The following SLIT2 variants were observed in gnomAD, a reference collection of about 807,000 sequenced individuals.
SLIT2 encodes slit homolog 2 protein.
Under a neutral mutation model 185.7 loss-of-function variants are expected in SLIT2, and 41 were observed. The ratio of observed to expected loss-of-function variants is 0.22; its 90% CI spans 0.17 to 0.29. The LOEUF (loss-of-function observed/expected upper bound fraction) is 0.29. Ranked by LOEUF, SLIT2 falls within the 10% of genes least tolerant of loss-of-function variation. The pLI is 1.00. For missense variants in SLIT2, 1,571 were observed against 1,909.0 expected (o/e 0.82, Z 3.30); for synonymous variants, 693 against 680.2 (o/e 1.02, Z -0.29).
intron 4 of SLIT2, among the ~76,000 whole-genome samples, chr4:20,418,490 G>A (rs1439250916): frequency 2.6e-5 from 4 of 152,142 alleles, no homozygotes; most frequent in East Asian, 1.9e-4. Flanking sequence ...GTTATACTGA[G>A]GGCGGCCAAT....
intron 4 of SLIT2, among the ~76,000 whole-genome samples, chr4:20,347,092 C>A (rs1369105635): frequency 6.6e-6 from 1 of 152,142 alleles, no homozygotes; most frequent in East Asian, 1.9e-4. Flanking sequence ...TACCAATTAT[C>A]CTTTGGAAAA....
chr4:20,483,114 T>TA (rs990255981), intron 6 of SLIT2, among the ~76,000 whole-genome samples: 18 of 152,080 alleles, frequency 1.2e-4, no homozygotes, highest in Admixed American at 6.6e-5. Flanking sequence ...AACATTAACT[T>TA]ACACATTGCC....
At chr4:20,527,256 C>A (rs1320587745) in intron 15 of SLIT2, among the ~76,000 whole-genome samples, 2 of 151,714 alleles carry the variant, frequency 1.3e-5, no homozygotes, top group African/African-American at 4.8e-5. Flanking sequence ...CTACATATTA[C>A]AGTGATAAAA....
At position 20,288,031 on chromosome 4, in the gene SLIT2, C is replaced by T. The variant is rs535171150; in HGVS notation, c.395+19150C>T. On this transcript the variant is annotated intron_variant, in intron 4 of 36. Transcript: ENST00000504154. ...AGTAACATGGTATCTGATTTTTAAA[C>T]AGCCTATATAGTTGCACATAACAGA... Among the ~76,000 whole-genome samples the T allele has an allele frequency of 1.4e-4, 21 of 152,108 alleles. No homozygotes were observed. The South Asian group carries it at 4.4e-3, about 32-fold the overall frequency.
rs79141450 is a variant in SLIT2, at chr4:20,478,280, T to G, written c.468-2436T>G. ...TTCAGGAAATATGTGGACTCAGATA[T>G]AACAGTATTCAGAGAACTTTTAAGG... On this transcript the variant is annotated intron_variant, in intron 5 of 36. Coordinates refer to ENST00000504154, the MANE Select transcript of SLIT2 (RefSeq NM_004787.4). Among the ~76,000 whole-genome samples, 104 of 152,306 alleles carry G rather than the reference T, an allele frequency of 6.8e-4. 1 individual carries two copies. In the East Asian group the frequency reaches 0.017, roughly 25 times the overall value.
intron 24 of SLIT2, among the ~76,000 whole-genome samples, chr4:20,550,265 T>A (rs1334345542): frequency 6.6e-6 from 1 of 152,130 alleles, no homozygotes; most frequent in African/African-American, 2.4e-5. Flanking sequence ...CTTTTTATTC[T>A]AATGAGCTTG....
rs749587757 is a variant in SLIT2, at chr4:20,617,591, G to A, written c.4289G>A (p.Gly1430Asp). ...AAGCATGGGAAGTGCAGGCTTTCAG[G>A]TCTGGGGCAGCCCTACTGTGAATGC... ...KCKHGKCRLS[G>D]LGQPYCECSS... The change falls in exon 36 of 37, where the codon GGT (glycine) becomes GAT (aspartate). Residue 1430 changes from glycine to aspartate, a missense_variant. Gly to Asp is a moderately conservative substitution (Grantham distance 94). Coordinates refer to ENST00000504154, the MANE Select transcript of SLIT2 (RefSeq NM_004787.4). The A allele has an allele frequency of 4.0e-5, 64 of 1,613,340 alleles. No homozygotes were observed. The highest frequency in any genetic ancestry group is 4.7e-5 in the Non-Finnish European group (56 of 1,179,954).
rs144474415 is a variant in SLIT2, at chr4:20,449,978, T to C, written c.396-17774T>C. ...GCTCAGTGTTTTTTTTTTCCCAGAT[T>C]ACTGAAAACATTATTTAAAACATCT... On this transcript the variant is annotated intron_variant, in intron 4 of 36. Coordinates refer to ENST00000504154, the MANE Select transcript of SLIT2 (RefSeq NM_004787.4). Among the ~76,000 whole-genome samples the C allele has an allele frequency of 5.2e-4, 79 of 152,266 alleles. No homozygotes were observed. The East Asian group carries it at 0.013, about 25-fold the overall frequency.
At chr4:20,462,642 GC>G (rs1348700154) in intron 4 of SLIT2, among the ~76,000 whole-genome samples, 1 of 152,250 alleles carries the variant, frequency 6.6e-6, no homozygotes, top group Non-Finnish European at 1.5e-5. Flanking sequence ...ACAGCTGTCT[GC>G]CCATTTTCCC....
chr4:20,579,688 A>C (rs1403463915), intron 29 of SLIT2, among the ~76,000 whole-genome samples: 1 of 151,996 alleles, frequency 6.6e-6, no homozygotes, highest in Non-Finnish European at 1.5e-5. Context: ...TTTGTTGGCG[A>C]AATAAAAAAA....
In SLIT2 at chr4:20,617,585, T is replaced by C; in HGVS notation, c.4283T>C (p.Leu1428Pro). 6.2e-7 allele frequency: 1 copy of C among 1,613,616 alleles called. No individual in the cohort carries two copies. The highest frequency in any genetic ancestry group is 1.1e-5 in the South Asian group (1 of 90,994). The change falls in exon 36 of 37, where the codon CTT becomes CCT. Residue 1428 changes from leucine (L) to proline (P), a missense_variant. Physicochemically the swap from Leu to Pro is moderately conservative, Grantham distance 98. Coordinates refer to ENST00000504154, the MANE Select transcript of SLIT2 (RefSeq NM_004787.4). ...AAGTGCAAGCATGGGAAGTGCAGGC[T>C]TTCAGGTCTGGGGCAGCCCTACTGT... ...AIKCKHGKCRLSGLGQPYCEC... is the reference protein window; with the variant it reads ...AIKCKHGKCRPSGLGQPYCEC...
intron 4 of SLIT2, among the ~76,000 whole-genome samples, chr4:20,315,708 A>G (rs1718517209): frequency 6.6e-6 from 1 of 152,072 alleles, no homozygotes; most frequent in South Asian, 2.1e-4. Context: ...GCATTGGCAT[A>G]TGTCTTACAC....
rs146363567 is a variant in SLIT2, at chr4:20,375,448, A to G, written c.396-92304A>G. ...ATAAATAGAGGCCTGAAAATAGTTT[A>G]TACTTAAAAATATCCTAATATGATA... On this transcript the variant is annotated intron_variant, in intron 4 of 36. Coordinates refer to ENST00000504154, the MANE Select transcript of SLIT2 (RefSeq NM_004787.4). 4.0e-3 allele frequency among the ~76,000 whole-genome samples: 614 copies of G among 152,208 alleles called. 3 individuals are homozygous for G. The highest frequency in any genetic ancestry group is 0.013 in the African/African-American group (555 of 41,568).
chr4:20,292,783 C>T (rs1225921207), intron 4 of SLIT2, among the ~76,000 whole-genome samples: 1 of 151,972 alleles, frequency 6.6e-6, no homozygotes, highest in Non-Finnish European at 1.5e-5. Flanking sequence ...CTAGCTTTTT[C>T]TTTTTTCTTT....
chr4:20,447,101 A>G (rs968456970), intron 4 of SLIT2, among the ~76,000 whole-genome samples: 1 of 152,168 alleles, frequency 6.6e-6, no homozygotes, highest in African/African-American at 2.4e-5. Context: ...AGGGAGAGCG[A>G]TTCTTCAGCA....
chr4:20,475,378 T>C (rs1057399163), intron 5 of SLIT2, among the ~76,000 whole-genome samples: 4 of 151,792 alleles, frequency 2.6e-5, no homozygotes, highest in Non-Finnish European at 4.4e-5. Flanking sequence ...CTGTCTTTTC[T>C]GACATTCTAT....
At chr4:20,340,945 G>GA (rs1720915774) in intron 4 of SLIT2, among the ~76,000 whole-genome samples, 1 of 152,088 alleles carries the variant, frequency 6.6e-6, no homozygotes, top group Non-Finnish European at 1.5e-5. Context: ...TCTATGGGAA[G>GA]AAAAAAGAAA....
At chr4:20,432,108 T>C (rs1338789680) in intron 4 of SLIT2, among the ~76,000 whole-genome samples, 4 of 151,896 alleles carry the variant, frequency 2.6e-5, no homozygotes, top group Non-Finnish European at 4.4e-5. Context: ...AGAGAAATTT[T>C]TCTGTATGTT....
intron 33 of SLIT2, among the ~76,000 whole-genome samples, chr4:20,606,505 T>C (rs756768792): frequency 3.3e-5 from 5 of 151,034 alleles, no homozygotes; most frequent in Non-Finnish European, 7.4e-5. Flanking sequence ...GAATCTAAAA[T>C]CATGAACTTT....
Sources: allele counts gnomAD v4.1 joint callset (sites outside exome capture counted in the v4.1 genomes callset), GRCh38; gene constraint gnomAD v4.1.1; transcripts MANE v1.5; gene names NCBI Gene and HGNC (gene_info 2026-07-23, HGNC 2026-07-21).